The following ITGB2 variants were observed in gnomAD, a reference collection of about 807,000 sequenced individuals.
The protein encoded by ITGB2 is integrin beta-2.
Under a neutral mutation model 86.8 loss-of-function variants are expected in ITGB2, and 56 were observed. The observed-to-expected ratio is 0.65, with a 90% CI of 0.52 to 0.81. The LOEUF (loss-of-function observed/expected upper bound fraction) is 0.81. Among genes scored for constraint, ITGB2 ranks in the 30% least tolerant of loss-of-function variants. The pLI is 0.00. For synonymous variants in ITGB2, 457 were observed against 450.4 expected (o/e 1.01, Z -0.19); for missense variants, 948 against 1,061.2 (o/e 0.89, Z 1.48).
At chr21:44,904,385 C>A (rs1036656805) in intron 4 of ITGB2, among the ~76,000 whole-genome samples, 1 of 151,896 alleles carries the variant, frequency 6.6e-6, no homozygotes, top group Non-Finnish European at 1.5e-5. Context: ...TATGCACACA[C>A]ACAATACTCA....
intron 13 of ITGB2, 71 bp from the exon 14 acceptor site, chr21:44,888,966 G>A: frequency 6.8e-7 from 1 of 1,465,790 alleles, no homozygotes. Flanking sequence ...CTCGGGCTTG[G>A]GTGTGTGTCC....
intron 1 of ITGB2, among the ~76,000 whole-genome samples, chr21:44,926,547 A>G (rs1158896170): frequency 6.6e-6 from 1 of 152,162 alleles, no homozygotes; most frequent in Non-Finnish European, 1.5e-5. Context: ...CCCTCCAGCC[A>G]AGCAGCCACA....
intron 1 of ITGB2, among the ~76,000 whole-genome samples, chr21:44,913,848 C>T (rs1035732186): frequency 2.6e-5 from 4 of 152,204 alleles, no homozygotes; most frequent in Non-Finnish European, 4.4e-5. Flanking sequence ...AGGGCCTGTG[C>T]CAGCTCCCTG....
chr21:44,916,864 C>G (rs1412144088), intron 1 of ITGB2, among the ~76,000 whole-genome samples: 5 of 135,734 alleles, frequency 3.7e-5, no homozygotes, highest in African/African-American at 1.5e-4. Flanking sequence ...GTGAAACTGT[C>G]TCAAAAGAAA....
At chr21:44,892,944 T>A (rs887053369) in intron 10 of ITGB2, 4 of 210,708 alleles carry the variant, frequency 1.9e-5, no homozygotes, top group African/African-American at 6.9e-5. Flanking sequence ...GCCTGTTCTG[T>A]GTGTCCGGCG....
chr21:44,889,066 C>A (rs562995094), intron 13 of ITGB2, 171 bp from the exon 14 acceptor site: 3 of 709,924 alleles, frequency 4.2e-6, no homozygotes, highest in African/African-American at 3.5e-5. Flanking sequence ...GAACTGGAAG[C>A]CTGATCCCAG....
At chr21:44,889,915 A>G in intron 12 of ITGB2, 63 bp downstream of exon 12, 1 of 1,602,272 alleles carries the variant, frequency 6.2e-7, no homozygotes, top group South Asian at 1.1e-5. Context: ...TCCAGAACGC[A>G]CCCCCCAACA....
rs756545465 is a variant in ITGB2 at position 44,900,450 on chromosome 21, G to A, written c.767C>T (p.Thr256Met). Residue 256 changes from threonine to methionine, a missense_variant, in exon 7 of 16, where the codon ACG becomes ATG. Thr to Met is a moderately conservative substitution (Grantham distance 81). Coordinates refer to ENST00000652462, the MANE Select transcript of ITGB2 (RefSeq NM_000211.5). ...ATCAGTGGCAAACACCAGCAGCCGC[G>A]TGACGTTGCGCCAGCCGATTTCCTC... is the stretch of plus-strand genomic sequence containing the variant. The part of the protein sequence containing the change: ...CPEEIGWRNV[T>M]RLLVFATDDG... The A allele has an allele frequency of 5.5e-5, 89 of 1,613,852 alleles. No homozygotes were observed. Among genetic ancestry groups the A allele is most frequent in the African/African-American group, 1.2e-4 (9 of 74,940 alleles).
chr21:44,900,569 G>A (rs1248175090), intron 6 of ITGB2, 94 bp from the exon 7 acceptor site: 3 of 1,504,260 alleles, frequency 2.0e-6, no homozygotes, highest in Admixed American at 3.5e-5. Context: ...TGGTGGGGTG[G>A]CCCGGAGGCT....
At chr21:44,887,369 C>T (rs185439862) in intron 14 of ITGB2, among the ~76,000 whole-genome samples, 45 of 152,278 alleles carry the variant, frequency 3.0e-4, no homozygotes, top group African/African-American at 5.8e-4. Flanking sequence ...GGATGAGCAA[C>T]GCAAGGTCCT....
chr21:44,888,869 T>A lies in ITGB2; in HGVS notation c.1904A>T (p.Glu635Val), dbSNP rs374132330. Reference sequence around the variant, plus strand: ...GCAGTTCTTCCCAAAGGGGCCCTTTTCGAACTTCAGGCACTCGGCGCAGGA... The same window carrying A: ...GCAGTTCTTCCCAAAGGGGCCCTTTACGAACTTCAGGCACTCGGCGCAGGA... ...YISCAECLKF[E>V]KGPFGKNCSA... The change falls in exon 14 of 16, where the codon GAA (glutamate) becomes GTA (valine). Residue 635 changes from glutamate to valine, a missense_variant. Coordinates refer to ENST00000652462, the MANE Select transcript of ITGB2 (RefSeq NM_000211.5). The A allele has an allele frequency of 5.0e-6, 8 of 1,607,682 alleles. No individual in the cohort carries two copies. The highest frequency in any genetic ancestry group is 4.0e-5 in the African/African-American group (3 of 74,900).
At chr21:44,901,128 C>T (rs561057330) in intron 6 of ITGB2, among the ~76,000 whole-genome samples, 19 of 152,248 alleles carry the variant, frequency 1.2e-4, no homozygotes, top group South Asian at 2.1e-4. Context: ...AGCGCCCACC[C>T]GGCCTGGAGG....
intron 1 of ITGB2, chr21:44,927,921 G>C (rs992140167): frequency 2.0e-5 from 3 of 152,418 alleles, no homozygotes; most frequent in African/African-American, 7.2e-5. Context: ...TGCAGAAATG[G>C]AGATCTGCCC....
intron 1 of ITGB2, among the ~76,000 whole-genome samples, chr21:44,912,860 T>G (rs914543188): frequency 1.2e-4 from 11 of 95,254 alleles, no homozygotes; most frequent in Admixed American, 1.1e-3. Context: ...TCCCCCAGGG[T>G]GCAGGGTCCA....
At chr21:44,913,518 C>T (rs1412032057) in intron 1 of ITGB2, among the ~76,000 whole-genome samples, 1 of 152,172 alleles carries the variant, frequency 6.6e-6, no homozygotes, top group Non-Finnish European at 1.5e-5. Context: ...GCCACCTTCT[C>T]CCCACTGTTG....
At chr21:44,909,057 A>G (rs949997088) in intron 3 of ITGB2, among the ~76,000 whole-genome samples, 1 of 152,198 alleles carries the variant, frequency 6.6e-6, no homozygotes, top group African/African-American at 2.4e-5. Flanking sequence ...GGCGGGGACC[A>G]GCACGGCACC....
At chr21:44,900,071 A>G (rs1484788902) in intron 7 of ITGB2, among the ~76,000 whole-genome samples, 1 of 152,164 alleles carries the variant, frequency 6.6e-6, no homozygotes, top group African/African-American at 2.4e-5. Context: ...GCTGGAGACC[A>G]ACAGAGCCTG....
chr21:44,915,929 G>C (rs2084202874), intron 1 of ITGB2, among the ~76,000 whole-genome samples: 1 of 152,128 alleles, frequency 6.6e-6, no homozygotes, highest in Admixed American at 6.6e-5. Context: ...TTGTTTGTTT[G>C]TTTGTTTTTT....
chr21:44,908,759 G>A lies in ITGB2; in HGVS notation c.147+1525C>T, dbSNP rs1236161091. Among the ~76,000 whole-genome samples, 4 of 152,220 alleles carry A rather than the reference G, an allele frequency of 2.6e-5. No homozygotes were observed. The East Asian group carries it at 7.7e-4, about 29-fold the overall frequency. On this transcript the variant is annotated intron_variant, in intron 3 of 15. Coordinates refer to ENST00000652462, the MANE Select transcript of ITGB2 (RefSeq NM_000211.5). The stretch of plus-strand genomic sequence containing the variant: ...GCTGGAGCCCAGACTCTCAGGGAAA[G>A]GAACCCGAGCCGTCAGAAAACCATC...
Sources: allele counts gnomAD v4.1 joint callset (sites outside exome capture counted in the v4.1 genomes callset), GRCh38; gene constraint gnomAD v4.1.1; transcripts MANE v1.5; gene names NCBI Gene and HGNC (gene_info 2026-07-23, HGNC 2026-07-21).